The following KCTD1 variants were observed in gnomAD, a reference collection of about 807,000 sequenced individuals.
The protein encoded by KCTD1 is BTB/POZ domain-containing protein KCTD1.
In KCTD1, 24 loss-of-function variants were observed where a neutral mutation model predicts 66.0. The ratio of observed to expected loss-of-function variants is 0.36; its 90% CI spans 0.26 to 0.51. The LOEUF is 0.51. KCTD1 is among the 20% of genes least tolerant of loss of function. The probability of loss-of-function intolerance (pLI) is 0.95; values close to 1 mark genes in which losing one functional copy is unlikely to be tolerated. For missense variants in KCTD1, 943 were observed against 1,205.2 expected (o/e 0.78, Z 3.22); for synonymous variants, 511 against 517.2 (o/e 0.99, Z 0.16).
At chr18:26,472,142 G>A (rs890657222) in intron 3 of KCTD1, among the ~76,000 whole-genome samples, 2 of 152,044 alleles carry the variant, frequency 1.3e-5, no homozygotes, top group African/African-American at 4.8e-5. Context: ...CAGAGGGGGA[G>A]GCAGACAGAG....
intron 1 of KCTD1, among the ~76,000 whole-genome samples, chr18:26,621,115 G>A (rs1392720750): frequency 1.3e-5 from 2 of 152,242 alleles, no homozygotes; most frequent in Non-Finnish European, 2.9e-5. Context: ...TTACAGGCGT[G>A]AGCCACCGTG....
upstream of KCTD1, chr18:26,548,632 G>C: frequency 3.5e-6 from 4 of 1,151,810 alleles, no homozygotes; most frequent in Non-Finnish European, 4.3e-6. Context: ...CAGCTACCGG[G>C]AGGCAAAGCC....
At chr18:26,610,391 T>A (rs1987108097) in intron 1 of KCTD1, among the ~76,000 whole-genome samples, 1 of 152,076 alleles carries the variant, frequency 6.6e-6, no homozygotes, top group Admixed American at 6.6e-5. Flanking sequence ...TGGGTAACCG[T>A]GTGAGACCCC....
chr18:26,562,808 GGA>G (rs1333911134), intron 1 of KCTD1, among the ~76,000 whole-genome samples: 1 of 152,112 alleles, frequency 6.6e-6, no homozygotes, highest in East Asian at 1.9e-4. Context: ...GTGAGAGCCT[GGA>G]GAGAGAGGGC....
chr18:26,638,752 G>T (rs1987774388), intron 1 of KCTD1, among the ~76,000 whole-genome samples: 1 of 152,210 alleles, frequency 6.6e-6, no homozygotes, highest in South Asian at 2.1e-4. Flanking sequence ...CACCCCTTTT[G>T]ATTCAACTAC....
At chr18:26,459,346 C>G (rs1421910839) in intron 4 of KCTD1, 1 of 369,464 alleles carries the variant, frequency 2.7e-6, no homozygotes, top group African/African-American at 2.0e-5. Flanking sequence ...GCCTTAGCCT[C>G]TGGAGTGGCT....
intron 3 of KCTD1, among the ~76,000 whole-genome samples, chr18:26,461,878 G>A (rs1477826525): frequency 6.6e-6 from 1 of 152,228 alleles, no homozygotes. Flanking sequence ...CACTTTGGGA[G>A]GCCGAGGCAG....
At chr18:26,650,237 T>C (rs1360132522) in intron 1 of KCTD1, among the ~76,000 whole-genome samples, 1 of 152,188 alleles carries the variant, frequency 6.6e-6, no homozygotes, top group Non-Finnish European at 1.5e-5. Flanking sequence ...AGAACTTGGG[T>C]CCTCTTGTCA....
chr18:26,532,261 C>CTTTTTTTTTTTTTTTTTTTTTTTTTT (rs533359603), intron 1 of KCTD1, among the ~76,000 whole-genome samples: 4 of 29,556 alleles, frequency 1.4e-4, no homozygotes, highest in African/African-American at 2.6e-4. Context: ...TTCTTTCCTT[C>CTTTTTTTTTTTTTTTTTTTTTTTTTT]TTTTTTTTTT....
At chr18:26,461,840 G>GGTT (rs1980448769) in intron 3 of KCTD1, among the ~76,000 whole-genome samples, 1 of 152,202 alleles carries the variant, frequency 6.6e-6, no homozygotes, top group East Asian at 1.9e-4. Context: ...TATCGGCTGG[G>GGTT]CGTGGTGGTT....
intron 3 of KCTD1, among the ~76,000 whole-genome samples, chr18:26,471,150 C>A (rs577641558): frequency 1.4e-4 from 22 of 152,248 alleles, no homozygotes; most frequent in Admixed American, 5.2e-4. Flanking sequence ...ATACAGCCCC[C>A]CCAGGTCTCC....
intron 1 of KCTD1, among the ~76,000 whole-genome samples, chr18:26,583,255 G>A (rs1373463016): frequency 6.6e-6 from 1 of 151,872 alleles, no homozygotes; most frequent in Non-Finnish European, 1.5e-5. Context: ...TTAGCTGGAT[G>A]TGGTGGCGGG....
intron 1 of KCTD1, among the ~76,000 whole-genome samples, chr18:26,592,476 A>G (rs1294296337): frequency 2.0e-5 from 3 of 152,082 alleles, no homozygotes; most frequent in African/African-American, 7.2e-5. Context: ...ATGTCCTCCA[A>G]TCTCTAGTTC....
upstream of KCTD1, chr18:26,549,798 C>G (rs553602788): frequency 2.4e-4 from 239 of 985,178 alleles, 1 homozygote; most frequent in African/African-American, 3.6e-3. Context: ...GGGCGGGCAC[C>G]TCGGAAACTG....
intron 1 of KCTD1, among the ~76,000 whole-genome samples, chr18:26,622,500 C>G (rs935965864): frequency 2.6e-5 from 4 of 152,170 alleles, no homozygotes; most frequent in Non-Finnish European, 5.9e-5. Flanking sequence ...ACCCTGGAGT[C>G]CTTGCCAGCC....
intron 3 of KCTD1, among the ~76,000 whole-genome samples, chr18:26,467,237 G>A (rs1980787465): frequency 6.6e-6 from 1 of 151,874 alleles, no homozygotes; most frequent in South Asian, 2.1e-4. Flanking sequence ...AATAGAGGTT[G>A]GTTGTGGTGG....
At chr18:26,604,464 G>T (rs1199130885) in intron 1 of KCTD1, among the ~76,000 whole-genome samples, 1 of 152,148 alleles carries the variant, frequency 6.6e-6, no homozygotes, top group Non-Finnish European at 1.5e-5. Context: ...GCACACAAAT[G>T]TTTACTGCAG....
At chr18:26,606,294 T>G (rs1415095855) in intron 1 of KCTD1, among the ~76,000 whole-genome samples, 3 of 152,174 alleles carry the variant, frequency 2.0e-5, no homozygotes, top group African/African-American at 7.2e-5. Context: ...GAGGGTATGA[T>G]GAGGCATGTC....
chr18:26,570,191 A>AAAAAAAATATATAT (rs776923644), intron 1 of KCTD1, among the ~76,000 whole-genome samples: 1 of 132,544 alleles, frequency 7.5e-6, no homozygotes, highest in South Asian at 2.5e-4. Context: ...ATCTAAAAAA[A>AAAAAAAATATATAT]ATATATATAT....
Sources: allele counts gnomAD v4.1 joint callset (sites outside exome capture counted in the v4.1 genomes callset), GRCh38; gene constraint gnomAD v4.1.1; transcripts MANE v1.5; gene names NCBI Gene and HGNC (gene_info 2026-07-23, HGNC 2026-07-21).